Variants in OSBPL10 observed in about 807,000 individuals in gnomAD.
OSBPL10 encodes oxysterol-binding protein-related protein 10.
Under a neutral mutation model 81.7 loss-of-function variants are expected in OSBPL10, and 49 were observed. That is an observed-to-expected ratio of 0.60 (90% CI 0.48 to 0.76). The LOEUF (loss-of-function observed/expected upper bound fraction) is 0.76. Ranked by LOEUF, OSBPL10 falls within the 30% of genes least tolerant of loss-of-function variation. The pLI is 0.00. For synonymous variants in OSBPL10, 419 were observed against 383.6 expected (o/e 1.09, Z -1.08); for missense variants, 923 against 987.8 (o/e 0.93, Z 0.88).
intron 8 of OSBPL10, among the ~76,000 whole-genome samples, 182 bp downstream of exon 8, chr3:31,683,452 G>T (rs1353551201): frequency 6.6e-6 from 1 of 152,092 alleles, no homozygotes; most frequent in Admixed American, 6.5e-5. Context: ...GGCCCCGCTG[G>T]GAAATTACCA....
intron 8 of OSBPL10, among the ~76,000 whole-genome samples, chr3:31,671,255 G>A (rs1453670471): frequency 6.6e-6 from 1 of 152,170 alleles, no homozygotes; most frequent in Non-Finnish European, 1.5e-5. Flanking sequence ...TTGTAACAGT[G>A]ATAAAGGTAG....
At chr3:31,759,470 T>A (rs1486940904) in intron 4 of OSBPL10, among the ~76,000 whole-genome samples, 1 of 152,180 alleles carries the variant, frequency 6.6e-6, no homozygotes, top group African/African-American at 2.4e-5. Context: ...AGAATACTCA[T>A]CATAGAAAAA....
At chr3:31,980,841 G>GCACA (rs72290087) in intron 1 of OSBPL10, 58 bp downstream of exon 1, 245 of 1,346,688 alleles carry the variant, frequency 1.8e-4, no homozygotes, top group Middle Eastern at 5.2e-4. Flanking sequence ...ACACACGCAC[G>GCACA]CACACACACA....
intron 1 of OSBPL10, among the ~76,000 whole-genome samples, chr3:31,881,922 C>CT (rs1260568995): frequency 6.6e-6 from 1 of 152,238 alleles, no homozygotes; most frequent in Non-Finnish European, 1.5e-5. Context: ...AAGTTCAACT[C>CT]TTCTGTGTCC....
intron 4 of OSBPL10, among the ~76,000 whole-genome samples, chr3:31,771,268 A>C (rs759056951): frequency 8.6e-5 from 13 of 151,984 alleles, no homozygotes; most frequent in African/African-American, 2.4e-5. Context: ...TCACAGATAC[A>C]GAATTTCTAT....
rs115415625 is a variant in OSBPL10 at position 31,722,245 on chromosome 3, G to A, written c.1095+11012C>T. On this transcript the variant is annotated intron_variant, in intron 6 of 11. Transcript: ENST00000396556. ...TTATGTCCAACCAATTGATTGCTCC[G>A]TCAAGGAACCTGTATTCTCAGATGA... 6.5e-3 allele frequency among the ~76,000 whole-genome samples: 994 copies of A among 152,132 alleles called. 8 individuals carry two copies. The highest frequency in any genetic ancestry group is 0.023 in the African/African-American group (945 of 41,512).
At position 31,830,216 on chromosome 3, in the gene OSBPL10, G is replaced by A. The variant is rs923648401; in HGVS notation, c.553C>T (p.Arg185Ter). 4 of 1,613,494 alleles carry A rather than the reference G, an allele frequency of 2.5e-6. No homozygotes were observed. Among genetic ancestry groups the A allele is most frequent in the South Asian group, 1.1e-5 (1 of 90,974 alleles). Residue 185 changes from arginine to a stop codon, truncating the protein, a stop_gained, in exon 4 of 12, where the codon CGA (arginine) becomes TGA (stop). Transcript: ENST00000396556. LOFTEE classifies it high-confidence loss of function. ...EMNSKSAPSSRSRSLTLLPHG... is the reference protein window; with the variant it reads ...EMNSKSAPSS ...GGGAGCAAAGTGAGACTTCGGCTTC[G>A]GGAGCTTGGAGCACTCTAGAATAAG...
At chr3:31,810,134 G>T (rs1337317016) in intron 4 of OSBPL10, among the ~76,000 whole-genome samples, 1 of 151,962 alleles carries the variant, frequency 6.6e-6, no homozygotes, top group African/African-American at 2.4e-5. Flanking sequence ...GCCTCCCAAA[G>T]TGCTGGGATC....
Position 31,879,723 on chromosome 3 carries a change from G to A in OSBPL10, c.389C>T (p.Ser130Phe), listed in dbSNP as rs1249575273. 6.2e-7 allele frequency: 1 copy of A among 1,614,180 alleles called. No homozygotes were observed. Among genetic ancestry groups the A allele is most frequent in the Non-Finnish European group, 8.5e-7 (1 of 1,180,032 alleles). Residue 130 changes from serine (S) to phenylalanine (F), a missense_variant, in exon 2 of 12, where the codon TCC becomes TTC. Ser to Phe is a radical substitution (Grantham distance 155, BLOSUM62 -2). This residue lies in a region of OSBPL10 where 514 missense variants were observed against 508.0 expected (regional missense o/e 1.01). Coordinates refer to ENST00000396556, the MANE Select transcript of OSBPL10 (RefSeq NM_017784.5). The part of the protein sequence containing the change: ...GVLSLSGAIV[S>F]LSDEAPHMLV... ...CATGTGGGGAGCTTCATCGCTCAGG[G>A]ACACTATGGCTCCAGATAAAGACAG...
intron 2 of OSBPL10, among the ~76,000 whole-genome samples, chr3:32,004,469 A>C (rs1699183414): frequency 1.3e-5 from 2 of 152,238 alleles, no homozygotes; most frequent in Non-Finnish European, 2.9e-5. Flanking sequence ...AGAGAAGACA[A>C]GAAAGGGGAG....
intron 2 of OSBPL10, among the ~76,000 whole-genome samples, chr3:32,003,949 G>C (rs1001344196): frequency 6.6e-6 from 1 of 152,132 alleles, no homozygotes; most frequent in Non-Finnish European, 1.5e-5. Flanking sequence ...GTTTTTCTCT[G>C]CAAAACAACA....
intron 3 of OSBPL10, among the ~76,000 whole-genome samples, chr3:31,855,473 CCTTGTTTTA>C (rs1200102594): frequency 6.6e-6 from 1 of 152,102 alleles, no homozygotes; most frequent in Non-Finnish European, 1.5e-5. Flanking sequence ...TAGCCTCCAG[CCTTGTTTTA>C]CTTTTCTTCA....
intron 2 of OSBPL10, among the ~76,000 whole-genome samples, chr3:31,878,283 C>A (rs1282831588): frequency 1.3e-5 from 2 of 152,134 alleles, no homozygotes; most frequent in Non-Finnish European, 2.9e-5. Context: ...ATTTTATAAA[C>A]CACAGGCAGG....
chr3:31,684,907 G>A (rs1480029402), intron 7 of OSBPL10, among the ~76,000 whole-genome samples: 1 of 152,124 alleles, frequency 6.6e-6, no homozygotes, highest in East Asian at 1.9e-4. Context: ...TTTGTTATTG[G>A]CACCATGATT....
At chr3:32,061,380 A>G (rs1156914748) in intron 1 of OSBPL10, among the ~76,000 whole-genome samples, 1 of 92,566 alleles carries the variant, frequency 1.1e-5, no homozygotes, top group African/African-American at 2.8e-5. Flanking sequence ...GAGAGATGAG[A>G]TGAATGACTG....
chr3:31,940,194 G>C (rs1697495371), intron 1 of OSBPL10, among the ~76,000 whole-genome samples: 3 of 152,234 alleles, frequency 2.0e-5, no homozygotes, highest in South Asian at 2.1e-4. Context: ...TCAACAGAAT[G>C]TATAAGCAAA....
intron 1 of OSBPL10, among the ~76,000 whole-genome samples, chr3:31,952,520 C>T (rs1015857643): frequency 6.6e-6 from 1 of 152,194 alleles, no homozygotes; most frequent in Non-Finnish European, 1.5e-5. Context: ...GGGGCAGGAA[C>T]CCATCTACAA....
intron 4 of OSBPL10, among the ~76,000 whole-genome samples, chr3:31,768,349 G>A (rs1010635589): frequency 6.6e-6 from 1 of 152,120 alleles, no homozygotes; most frequent in African/African-American, 2.4e-5. Context: ...CTATCTCAGG[G>A]CTGCCCAATT....
chr3:31,716,600 G>A (rs973482055), intron 6 of OSBPL10, among the ~76,000 whole-genome samples: 1 of 152,192 alleles, frequency 6.6e-6, no homozygotes, highest in Non-Finnish European at 1.5e-5. Flanking sequence ...CACAGGTGGT[G>A]TGCTACCAGC....
Sources: gnomAD v4.1 joint callset for allele counts (sites outside exome capture counted in the v4.1 genomes callset) on GRCh38, gnomAD v4.1.1 for gene constraint, gnomAD v4.1.1 regional missense constraint, MANE v1.5 for transcripts, NCBI Gene and HGNC (gene_info 2026-07-23, HGNC 2026-07-21) for gene names.